The following SHISA9 variants were observed in gnomAD, a reference collection of about 807,000 sequenced individuals.
The protein encoded by SHISA9 is shisa family member 9.
A neutral mutation model predicts 38.0 loss-of-function variants in SHISA9; 13 were observed. The observed-to-expected ratio is 0.34, with a 90% CI of 0.22 to 0.54. The LOEUF (loss-of-function observed/expected upper bound fraction) is 0.54. Among genes scored for constraint, SHISA9 ranks in the 20% least tolerant of loss-of-function variants. The probability of loss-of-function intolerance (pLI) is 0.91; values close to 1 mark genes in which losing one functional copy is unlikely to be tolerated. For synonymous variants in SHISA9, 275 were observed against 242.0 expected, an observed-to-expected ratio of 1.14 and a Z score of -1.27; for missense variants, 538 against 575.8, an observed-to-expected ratio of 0.93 and a Z score of 0.67.
At chr16:13,031,864 A>G (rs941236057) in intron 2 of SHISA9, among the ~76,000 whole-genome samples, 1 of 152,220 alleles carries the variant, frequency 6.6e-6, no homozygotes, top group African/African-American at 2.4e-5. Context: ...AACAATAGGC[A>G]AATGCAGAAA....
intron 2 of SHISA9, among the ~76,000 whole-genome samples, chr16:13,081,431 G>A (rs2073648574): frequency 1.3e-5 from 2 of 152,212 alleles, no homozygotes; most frequent in African/African-American, 4.8e-5. Context: ...CTGTGAATAG[G>A]CCAAGGGAAA....
At chr16:13,137,785 C>G (rs2050363069) in intron 2 of SHISA9, among the ~76,000 whole-genome samples, 3 of 152,220 alleles carry the variant, frequency 2.0e-5, no homozygotes, top group South Asian at 4.2e-4. Context: ...TGTTCCCTGC[C>G]TCATTTCTTT....
chr16:13,120,677 G>C (rs1354011137), intron 2 of SHISA9, among the ~76,000 whole-genome samples: 1 of 152,160 alleles, frequency 6.6e-6, no homozygotes, highest in African/African-American at 2.4e-5. Context: ...AGAAGGGAGA[G>C]AAACACCCAG....
chr16:13,010,842 C>T (rs1167467118), intron 2 of SHISA9, among the ~76,000 whole-genome samples: 1 of 152,140 alleles, frequency 6.6e-6, no homozygotes, highest in Non-Finnish European at 1.5e-5. Flanking sequence ...ATCGCAGCTA[C>T]TTGGGAGGCT....
intron 2 of SHISA9, among the ~76,000 whole-genome samples, chr16:13,066,519 C>T (rs61614065): frequency 0.03 from 4,562 of 152,234 alleles, 232 homozygotes; most frequent in African/African-American, 0.1. Flanking sequence ...GTGCCCAGTA[C>T]GTGCTAGGCA....
intron 2 of SHISA9, among the ~76,000 whole-genome samples, chr16:12,947,733 C>G (rs762480968): frequency 6.6e-6 from 1 of 152,156 alleles, no homozygotes. Flanking sequence ...ATTAATCACA[C>G]GAAGGAAAGA....
chr16:13,274,801 T>C, the SHISA9 span, among the ~76,000 whole-genome samples: 1 of 152,174 alleles, frequency 6.6e-6, no homozygotes, highest in Non-Finnish European at 1.5e-5. Context: ...GGAAATCCAG[T>C]GAAATCTAAC....
the SHISA9 span, among the ~76,000 whole-genome samples, chr16:13,482,777 G>A: frequency 6.9e-6 from 1 of 145,212 alleles, no homozygotes; most frequent in South Asian, 2.2e-4. Context: ...TTCCAGCCTT[G>A]GCAACAGAGC....
At chr16:13,440,836 C>T in the SHISA9 span, among the ~76,000 whole-genome samples, 3 of 151,244 alleles carry the variant, frequency 2.0e-5, no homozygotes, top group Admixed American at 6.6e-5. Context: ...GCAGGAGAGT[C>T]GTTTGAACCC....
Position 12,909,370 on chromosome 16 carries a change from T to C in SHISA9, c.563+6743T>C, listed in dbSNP as rs567475222. ...TTTTTGAAAAATAATTGATGCTTCT[T>C]GTGCAAGAAGAAGTGCTCAGGAACT... On this transcript the variant is annotated intron_variant, in intron 1 of 4. Coordinates refer to ENST00000558583, the MANE Select transcript of SHISA9 (RefSeq NM_001145204.3). The C allele has an allele frequency of 2.5e-5, 25 of 985,452 alleles. No homozygotes were observed. In the South Asian group the frequency reaches 7.0e-4, roughly 28 times the overall value. The allele number at this position is 985,452 out of a possible 1,614,324, so 61.0% of individuals were successfully genotyped here. A position where few individuals can be genotyped will look rare whatever the true frequency, so the allele number is the denominator to read the frequency against.
chr16:13,006,031 T>C (rs1178493130), intron 2 of SHISA9, among the ~76,000 whole-genome samples: 1 of 152,190 alleles, frequency 6.6e-6, no homozygotes, highest in South Asian at 2.1e-4. Context: ...TCCCTGCAGC[T>C]TGGGCTACAG....
intron 2 of SHISA9, among the ~76,000 whole-genome samples, chr16:12,966,083 G>A (rs1384176948): frequency 1.3e-5 from 2 of 152,124 alleles, no homozygotes; most frequent in African/African-American, 4.8e-5. Context: ...GTATCCCTTG[G>A]ATGCCATTAG....
chr16:13,421,588 T>C, the SHISA9 span, among the ~76,000 whole-genome samples: 1 of 152,136 alleles, frequency 6.6e-6, no homozygotes, highest in Non-Finnish European at 1.5e-5. Context: ...CAAAATGATA[T>C]TTACGTAGAG....
chr16:13,338,688 G>C, the SHISA9 span, among the ~76,000 whole-genome samples: 1 of 152,104 alleles, frequency 6.6e-6, no homozygotes, highest in African/African-American at 2.4e-5. Flanking sequence ...GAAAGATTAG[G>C]CCCATGTTTT....
At chr16:13,091,880 C>A (rs554040411) in intron 2 of SHISA9, among the ~76,000 whole-genome samples, 1 of 152,172 alleles carries the variant, frequency 6.6e-6, no homozygotes, top group Non-Finnish European at 1.5e-5. Context: ...GGAGAAGAGG[C>A]GCTCTGGTTT....
At chr16:13,448,935 A>AT in the SHISA9 span, among the ~76,000 whole-genome samples, 2 of 152,158 alleles carry the variant, frequency 1.3e-5, no homozygotes, top group Non-Finnish European at 2.9e-5. Flanking sequence ...AGAATATGTA[A>AT]TTTTTTAGCC....
chr16:13,051,434 G>C lies in SHISA9; in HGVS notation c.691+134619G>C, dbSNP rs116236711. On this transcript the variant is annotated intron_variant, in intron 2 of 4. Coordinates refer to ENST00000558583, the MANE Select transcript of SHISA9 (RefSeq NM_001145204.3). ...AAATTCAAGGAGAGATTTGGATGGGGACACAGCAAAACCATTTCAGTACTG... is the reference window on the plus strand; with the variant it reads ...AAATTCAAGGAGAGATTTGGATGGGCACACAGCAAAACCATTTCAGTACTG... Among the ~76,000 whole-genome samples the C allele has an allele frequency of 3.3e-3, 497 of 152,268 alleles. 5 individuals carry two copies. Among genetic ancestry groups the C allele is most frequent in the African/African-American group, 0.012 (484 of 41,558 alleles).
chr16:12,955,624 T>A (rs1267257158), intron 2 of SHISA9, among the ~76,000 whole-genome samples: 35 of 134,990 alleles, frequency 2.6e-4, no homozygotes, highest in Non-Finnish European at 5.3e-4. Flanking sequence ...CAACTTATCT[T>A]CAACAAAGTA....
chr16:13,476,194 A>T, the SHISA9 span, among the ~76,000 whole-genome samples: 1 of 152,094 alleles, frequency 6.6e-6, no homozygotes, highest in Non-Finnish European at 1.5e-5. Flanking sequence ...TCAGGAAAGG[A>T]TCCCCACTCC....
Sources: gnomAD v4.1 joint callset for allele counts (sites outside exome capture counted in the v4.1 genomes callset) on GRCh38, gnomAD v4.1.1 for gene constraint, MANE v1.5 for transcripts, NCBI Gene and HGNC (gene_info 2026-07-23, HGNC 2026-07-21) for gene names.